The following TMEM74B variants were observed in gnomAD, a reference collection of about 807,000 sequenced individuals.
TMEM74B encodes transmembrane protein 74B.
A neutral mutation model predicts 6.5 loss-of-function variants in TMEM74B; 7 were observed. That is an observed-to-expected ratio of 1.07 (90% CI 0.61 to 2.01). The LOEUF (loss-of-function observed/expected upper bound fraction) is 2.01, where lower values mean the gene tolerates loss of function less well. Among genes scored for constraint, TMEM74B ranks in the 30% most tolerant of loss-of-function variants. The pLI is 0.00. For missense variants in TMEM74B, 342 were observed against 337.0 expected (o/e 1.01, Z -0.12); for synonymous variants, 151 against 151.6 (o/e 1.00, Z 0.03).
Position 1,184,724 on chromosome 20 carries a change from C to T in TMEM74B, c.-570G>A, listed in dbSNP as rs1248288836. On this transcript the variant is annotated 5_prime_UTR_variant, in exon 1 of 3. Transcript: ENST00000429036. The surrounding 1 kb of genome is among the most constrained non-coding windows in gnomAD (Gnocchi z 6.0). ...CCGCAGGGGCCCAATACCCCACCCG[C>T]CGCGCGCACTGACACCCGGAGAGAG... The T allele has an allele frequency of 2.0e-5, 3 of 152,436 alleles. No individual in the cohort carries two copies. The highest frequency in any genetic ancestry group is 4.4e-5 in the Non-Finnish European group (3 of 68,276). 9.4% of individuals were successfully genotyped at this position (152,436 alleles called of 1,614,324 possible).
At chr20:1,186,310 AG>A (rs1275116192), upstream of TMEM74B, 1 of 152,276 alleles carries the variant, frequency 6.6e-6, no homozygotes, top group Non-Finnish European at 1.5e-5. Flanking sequence ...GGCTGTGAAA[AG>A]GGGTGACTTT....
upstream of TMEM74B, among the ~76,000 whole-genome samples, chr20:1,187,936 A>G (rs928420422): frequency 1.3e-5 from 2 of 152,160 alleles, no homozygotes; most frequent in African/African-American, 4.8e-5. Flanking sequence ...CCTCTTTTGC[A>G]TGAGAATTTG....
intron 2 of TMEM74B, 58 bp downstream of exon 2, chr20:1,183,713 G>A: frequency 6.3e-7 from 1 of 1,597,522 alleles, no homozygotes; most frequent in Non-Finnish European, 8.6e-7. Context: ...GCATGTATGG[G>A]AGGGTGGAGG....
upstream of TMEM74B, among the ~76,000 whole-genome samples, chr20:1,188,890 A>G (rs368689635): frequency 6.8e-4 from 102 of 151,060 alleles, 1 homozygote; most frequent in African/African-American, 2.3e-3. Flanking sequence ...TAGATAACTC[A>G]GTCCTTGAGG....
chr20:1,182,181 C>T (rs572078485), intron 2 of TMEM74B, among the ~76,000 whole-genome samples: 4 of 39,814 alleles, frequency 1.0e-4, no homozygotes, highest in Non-Finnish European at 1.4e-4. Context: ...GGAAGGATGA[C>T]GGAGGGGTGG....
chr20:1,188,979 G>A (rs1316709054), upstream of TMEM74B, among the ~76,000 whole-genome samples: 2 of 149,612 alleles, frequency 1.3e-5, no homozygotes, highest in East Asian at 2.0e-4. Context: ...TATGGAAAGC[G>A]CTGGGGTGGC....
chr20:1,185,770 G>A (rs1157389339), upstream of TMEM74B, among the ~76,000 whole-genome samples: 1 of 151,794 alleles, frequency 6.6e-6, no homozygotes, highest in African/African-American at 2.4e-5. Context: ...ATTGCGCCAA[G>A]CGCAGGTGCC....
Position 1,184,678 on chromosome 20 carries a change from C to T in TMEM74B, c.-524G>A, listed in dbSNP as rs1208921385. 1 of 152,376 alleles carries T rather than the reference C, an allele frequency of 6.6e-6. No homozygotes were observed. The highest frequency in any genetic ancestry group is 1.5e-5 in the Non-Finnish European group (1 of 68,484). The allele number at this position is 152,376 out of a possible 1,614,324, so 9.4% of individuals were successfully genotyped here. ...CACAAAGTGCCCCTGGGAGTGAGACCCAAGCCAGATCCACCAAGACCCGCA... is the reference window on the plus strand; with the variant it reads ...CACAAAGTGCCCCTGGGAGTGAGACTCAAGCCAGATCCACCAAGACCCGCA... On this transcript the variant is annotated 5_prime_UTR_variant, in exon 1 of 3. Transcript: ENST00000429036. This position sits in a 1 kb window ranked among gnomAD's most constrained non-coding sequence, Gnocchi z 6.0.
chr20:1,183,865 T>C lies in TMEM74B; in HGVS notation c.-64A>G, dbSNP rs991801673. ...ATAGACTCTTCATTTTATCCAGCTG[T>C]TTATCAGCAACCGTGAGCACCTTGA... On this transcript the variant is annotated 5_prime_UTR_variant, in exon 2 of 3. Coordinates refer to ENST00000429036, the MANE Select transcript of TMEM74B (RefSeq NM_001304748.2). The C allele has an allele frequency of 4.4e-6, 7 of 1,597,496 alleles. 1 individual carries two copies. The highest frequency in any genetic ancestry group is 6.0e-6 in the Non-Finnish European group (7 of 1,168,498).
intron 2 of TMEM74B, among the ~76,000 whole-genome samples, chr20:1,182,650 C>G (rs548818776): frequency 2.6e-5 from 4 of 152,128 alleles, no homozygotes; most frequent in Admixed American, 1.3e-4. Flanking sequence ...AGGAGGGGAA[C>G]CGGGAGGGAG....
chr20:1,182,771 A>G (rs1255688844), intron 2 of TMEM74B, among the ~76,000 whole-genome samples: 1 of 152,206 alleles, frequency 6.6e-6, no homozygotes, highest in African/African-American at 2.4e-5. Flanking sequence ...GCTGAAGGAT[A>G]CTGACTTACA....
upstream of TMEM74B, among the ~76,000 whole-genome samples, chr20:1,186,665 G>A (rs1172018976): frequency 6.6e-6 from 1 of 152,124 alleles, no homozygotes; most frequent in African/African-American, 2.4e-5. Context: ...AGCCTGACCT[G>A]CCCTCCTCCA....
intron 2 of TMEM74B, among the ~76,000 whole-genome samples, chr20:1,182,195 A>AGGGGGGG (rs56359649): frequency 9.3e-6 from 1 of 107,710 alleles, no homozygotes; most frequent in Non-Finnish European, 1.9e-5. Context: ...GGGGTGGGGG[A>AGGGGGGG]GGGGGTAGAA....
rs377008201 is a variant in TMEM74B at position 1,181,366 on chromosome 20, G to T, written c.253C>A (p.Pro85Thr). ...GAGGAGACACCCCCAGGGGGACTGG[G>T]TGAGCTGCCCAGTCTCGTGTTCCCA... ...NPGNTRLGSSPSPPGGVSSLP... is the reference protein window; with the variant it reads ...NPGNTRLGSSTSPPGGVSSLP... The change falls in exon 3 of 3, where the codon CCC becomes ACC. Residue 85 changes from proline (P) to threonine (T), a missense_variant. Pro to Thr is a conservative substitution (Grantham distance 38, BLOSUM62 -1). Transcript: ENST00000429036. The surrounding 1 kb of genome is among the most constrained non-coding windows in gnomAD (Gnocchi z 4.9). 3.6e-5 allele frequency: 56 copies of T among 1,555,956 alleles called. No individual in the cohort carries two copies. The Middle Eastern group carries it at 5.2e-4, about 14-fold the overall frequency.
rs747832954 is a variant in TMEM74B, at chr20:1,181,292, C to G, written c.327G>C (p.Gly109=). 6.2e-7 allele frequency: 1 copy of G among 1,612,632 alleles called. No homozygotes were observed. The change falls in exon 3 of 3, where the codon GGG becomes GGC. Residue 109 remains glycine, a synonymous_variant. Coordinates refer to ENST00000429036, the MANE Select transcript of TMEM74B (RefSeq NM_001304748.2). The surrounding 1 kb of genome is among the most constrained non-coding windows in gnomAD (Gnocchi z 4.9). ...GGCGGCTCACGGGCTCCAGGGCTGG[C>G]CCCTCCTCTGAATGAAGGGACAGAT... is the stretch of plus-strand genomic sequence containing the variant. ...RDDLSLHSEE[G]PALEPVSRPV...
At chr20:1,187,934 G>C (rs900954043), upstream of TMEM74B, among the ~76,000 whole-genome samples, 5 of 152,100 alleles carry the variant, frequency 3.3e-5, no homozygotes, top group Non-Finnish European at 7.4e-5. Flanking sequence ...TTCCTCTTTT[G>C]CATGAGAATT....
chr20:1,181,303 A>G lies in TMEM74B; in HGVS notation c.316T>C (p.Ser106Pro), dbSNP rs2086859951. The part of the protein sequence containing the change: ...RSQRDDLSLH[S>P]EEGPALEPVS... ...GGCTCCAGGGCTGGCCCCTCCTCTG[A>G]ATGAAGGGACAGATCATCCCGCTGG... The change falls in exon 3 of 3, where the codon TCA becomes CCA. Residue 106 changes from serine to proline, a missense_variant. Coordinates refer to ENST00000429036, the MANE Select transcript of TMEM74B (RefSeq NM_001304748.2). This position sits in a 1 kb window ranked among gnomAD's most constrained non-coding sequence, Gnocchi z 4.9. 1 of 1,611,544 alleles carries G rather than the reference A, an allele frequency of 6.2e-7. No individual in the cohort carries two copies. Among genetic ancestry groups the G allele is most frequent in the South Asian group, 1.1e-5 (1 of 90,576 alleles).
At chr20:1,185,898 G>C (rs539928743), upstream of TMEM74B, among the ~76,000 whole-genome samples, 13 of 149,340 alleles carry the variant, frequency 8.7e-5, 1 homozygote, top group South Asian at 1.7e-3. Flanking sequence ...CGGTCTCCTC[G>C]GGCGCTTGCG....
Position 1,181,013 on chromosome 20 carries a change from G to A in TMEM74B, c.606C>T (p.Gly202=), listed in dbSNP as rs371389844. 3.2e-5 allele frequency: 52 copies of A among 1,613,958 alleles called. No individual in the cohort carries two copies. The highest frequency in any genetic ancestry group is 3.9e-5 in the Non-Finnish European group (46 of 1,179,972). The change falls in exon 3 of 3, where the codon GGC becomes GGT. Residue 202 remains glycine (G), a synonymous_variant. Coordinates refer to ENST00000429036, the MANE Select transcript of TMEM74B (RefSeq NM_001304748.2). The surrounding 1 kb of genome is among the most constrained non-coding windows in gnomAD (Gnocchi z 4.9). ...SVLLMVSLCK[G]ELYRRRTFVP... Reference sequence around the variant, plus strand: ...CGAAGGTCCTCCGGCGGTACAGCTCGCCCTTGCACAGGGAGACCATGAGCA... The same window carrying A: ...CGAAGGTCCTCCGGCGGTACAGCTCACCCTTGCACAGGGAGACCATGAGCA...
Sources: allele counts gnomAD v4.1 joint callset (sites outside exome capture counted in the v4.1 genomes callset), GRCh38; gene constraint gnomAD v4.1.1; non-coding constraint Gnocchi (gnomAD v3.1); transcripts MANE v1.5; gene names NCBI Gene and HGNC (gene_info 2026-07-23, HGNC 2026-07-21).